Variants in EPDR1 observed in about 807,000 individuals in gnomAD.
The protein encoded by EPDR1 is mammalian ependymin-related protein 1.
EPDR1 carries 27 observed loss-of-function variants against 23.7 expected under a neutral mutation model. The observed-to-expected ratio is 1.14, with a 90% CI of 0.84 to 1.57. EPDR1 has a LOEUF of 1.57. Among genes scored for constraint, EPDR1 ranks in the 40% most tolerant of loss-of-function variants. The probability of loss-of-function intolerance (pLI) is 0.00; values close to 1 mark genes in which losing one functional copy is unlikely to be tolerated. For missense variants in EPDR1, 349 were observed against 290.4 expected (o/e 1.20, Z -1.47); for synonymous variants, 137 against 118.2 (o/e 1.16, Z -1.03).
At chr7:37,943,386 G>A (rs1786208742) in intron 1 of EPDR1, among the ~76,000 whole-genome samples, 1 of 152,108 alleles carries the variant, frequency 6.6e-6, no homozygotes, top group South Asian at 2.1e-4. Context: ...TCCCCACTCT[G>A]ATTACTCATC....
chr7:37,929,416 A>G (rs1785885667), intron 1 of EPDR1, among the ~76,000 whole-genome samples: 2 of 152,152 alleles, frequency 1.3e-5, no homozygotes, highest in African/African-American at 4.8e-5. Context: ...ATATGAAAAG[A>G]GCTGTGTTCT....
At chr7:37,939,067 C>T (rs926988122) in intron 1 of EPDR1, among the ~76,000 whole-genome samples, 4 of 151,844 alleles carry the variant, frequency 2.6e-5, no homozygotes, top group African/African-American at 7.3e-5. Flanking sequence ...CAAGCTCTGC[C>T]TCCTGAGTTC....
intron 1 of EPDR1, among the ~76,000 whole-genome samples, chr7:37,928,737 T>C (rs1425170123): frequency 6.6e-6 from 1 of 152,180 alleles, no homozygotes; most frequent in Non-Finnish European, 1.5e-5. Flanking sequence ...TGCTCTTCTC[T>C]GGACTGCTAA....
At chr7:37,941,619 C>A (rs1018411948) in intron 1 of EPDR1, among the ~76,000 whole-genome samples, 2 of 152,182 alleles carry the variant, frequency 1.3e-5, no homozygotes, top group Non-Finnish European at 2.9e-5. Flanking sequence ...AAGAAATCCA[C>A]ATTGTGGAAT....
At chr7:37,931,828 A>G (rs534862940) in intron 1 of EPDR1, among the ~76,000 whole-genome samples, 38 of 152,182 alleles carry the variant, frequency 2.5e-4, no homozygotes, top group Admixed American at 2.2e-3. Context: ...CCTCCCGAGT[A>G]GCTGGGACTA....
intron 1 of EPDR1, among the ~76,000 whole-genome samples, chr7:37,935,138 T>C (rs1786022604): frequency 6.6e-6 from 1 of 152,184 alleles, no homozygotes; most frequent in African/African-American, 2.4e-5. Flanking sequence ...CATCTGTGAA[T>C]TTTGGTATCT....
chr7:37,921,659 A>G (rs1255788724), intron 1 of EPDR1, among the ~76,000 whole-genome samples: 1 of 152,226 alleles, frequency 6.6e-6, no homozygotes, highest in African/African-American at 2.4e-5. Flanking sequence ...TACTTTTTGT[A>G]TTTTAAAAGA....
intron 1 of EPDR1, among the ~76,000 whole-genome samples, chr7:37,933,976 CTTTT>C (rs576903776): frequency 3.7e-5 from 5 of 133,360 alleles, no homozygotes; most frequent in African/African-American, 8.3e-5. Context: ...TTCTGCCATT[CTTTT>C]TTTTTTTTTT....
intron 1 of EPDR1, among the ~76,000 whole-genome samples, chr7:37,922,028 CT>C (rs1335363724): frequency 6.6e-6 from 1 of 152,152 alleles, no homozygotes; most frequent in African/African-American, 2.4e-5. Context: ...TGTCATCTCG[CT>C]TGTGGCCCCT....
chr7:37,928,211 C>T (rs1306094376), intron 1 of EPDR1, among the ~76,000 whole-genome samples: 1 of 152,208 alleles, frequency 6.6e-6, no homozygotes, highest in African/African-American at 2.4e-5. Flanking sequence ...TAACCTTGAG[C>T]TGTTTCTTCC....
At chr7:37,940,597 C>T (rs1786151305) in intron 1 of EPDR1, among the ~76,000 whole-genome samples, 1 of 152,108 alleles carries the variant, frequency 6.6e-6, no homozygotes, top group Non-Finnish European at 1.5e-5. Context: ...TCTTAAACTT[C>T]ACTTGGCAAT....
chr7:37,923,755 G>A (rs1785760570), intron 1 of EPDR1, among the ~76,000 whole-genome samples: 1 of 151,950 alleles, frequency 6.6e-6, no homozygotes, highest in African/African-American at 2.4e-5. Flanking sequence ...TGGGTCTTTG[G>A]GTAAGTTAAT....
intron 1 of EPDR1, chr7:37,926,821 G>T: frequency 2.2e-5 from 9 of 402,798 alleles, no homozygotes; most frequent in South Asian, 5.4e-5. Context: ...GATTTGGTAG[G>T]GAAATATTTT....
At chr7:37,929,627 G>C (rs1785889588) in intron 1 of EPDR1, among the ~76,000 whole-genome samples, 1 of 152,078 alleles carries the variant, frequency 6.6e-6, no homozygotes, top group African/African-American at 2.4e-5. Flanking sequence ...ACAATAAAAT[G>C]ATAGATTTAT....
intron 1 of EPDR1, among the ~76,000 whole-genome samples, chr7:37,929,076 C>T (rs1036908254): frequency 6.6e-6 from 1 of 152,138 alleles, no homozygotes; most frequent in Non-Finnish European, 1.5e-5. Flanking sequence ...GCACGCTGAC[C>T]CCATTGGCAC....
At chr7:37,943,985 T>C (rs1231033677) in intron 1 of EPDR1, among the ~76,000 whole-genome samples, 3 of 152,200 alleles carry the variant, frequency 2.0e-5, no homozygotes, top group Non-Finnish European at 4.4e-5. Context: ...GCTGGGCCTT[T>C]CCCAGCACAG....
At chr7:37,949,609 A>G (rs1177755965) in intron 2 of EPDR1, among the ~76,000 whole-genome samples, 2 of 151,626 alleles carry the variant, frequency 1.3e-5, no homozygotes, top group Non-Finnish European at 2.9e-5. Context: ...CCACTTCTGT[A>G]TATATATATA....
intron 1 of EPDR1, among the ~76,000 whole-genome samples, chr7:37,927,516 T>G (rs1020669664): frequency 6.6e-6 from 1 of 152,222 alleles, no homozygotes; most frequent in African/African-American, 2.4e-5. Context: ...GGCCAGCCCA[T>G]GTAGAAGCCT....
rs1785677576 is a variant in EPDR1 at position 37,920,885 on chromosome 7, C to T, written c.-55C>T. On this transcript the variant is annotated 5_prime_UTR_variant, in exon 1 of 3. Transcript: ENST00000199448. The stretch of plus-strand genomic sequence containing the variant: ...GCGGGAGCCACTCTGATCCCGGACG[C>T]CTCAGCGCCCCCTTGGGCTTGGGCT... 6.2e-7 allele frequency: 1 copy of T among 1,611,580 alleles called. No individual in the cohort carries two copies.
Sources: gnomAD v4.1 joint callset for allele counts (sites outside exome capture counted in the v4.1 genomes callset) on GRCh38, gnomAD v4.1.1 for gene constraint, MANE v1.5 for transcripts, NCBI Gene and HGNC (gene_info 2026-07-23, HGNC 2026-07-21) for gene names.